The following RTN4RL1 variants were observed in gnomAD, a reference collection of about 807,000 sequenced individuals.
The protein encoded by RTN4RL1 is reticulon 4 receptor like 1, also known as reticulon-4 receptor-like 1.
In RTN4RL1, 7 loss-of-function variants were observed where a neutral mutation model predicts 25.6. That is an observed-to-expected ratio of 0.27 (90% CI 0.16 to 0.51). The LOEUF is 0.51. Ranked by LOEUF, RTN4RL1 falls within the 20% of genes least tolerant of loss-of-function variation. The probability of loss-of-function intolerance (pLI) is 0.97; values close to 1 mark genes in which losing one functional copy is unlikely to be tolerated. For synonymous variants in RTN4RL1, 297 were observed against 288.2 expected (o/e 1.03, Z -0.31); for missense variants, 500 against 615.6 (o/e 0.81, Z 1.99).
At chr17:1,973,674 G>C (rs1188778572) in intron 1 of RTN4RL1, among the ~76,000 whole-genome samples, 1 of 152,118 alleles carries the variant, frequency 6.6e-6, no homozygotes, top group Non-Finnish European at 1.5e-5. Flanking sequence ...TTCTGTCTCT[G>C]AGGCCTGGCC....
intron 1 of RTN4RL1, among the ~76,000 whole-genome samples, chr17:2,000,159 A>T (rs1251921368): frequency 2.0e-5 from 3 of 152,268 alleles, no homozygotes; most frequent in Non-Finnish European, 4.4e-5. Context: ...GCCAAGTAGC[A>T]GCCACCGCTG....
chr17:1,958,552 T>C (rs1915835753), intron 1 of RTN4RL1, among the ~76,000 whole-genome samples: 1 of 152,216 alleles, frequency 6.6e-6, no homozygotes, highest in Non-Finnish European at 1.5e-5. Context: ...ACAAAACTTG[T>C]CTTAAGTGCC....
At chr17:1,957,399 G>T (rs1279590608) in intron 1 of RTN4RL1, among the ~76,000 whole-genome samples, 1 of 152,228 alleles carries the variant, frequency 6.6e-6, no homozygotes, top group Non-Finnish European at 1.5e-5. Context: ...GGGAAGGGAA[G>T]GGGGTTAACA....
chr17:2,017,873 G>A (rs184696068), intron 1 of RTN4RL1: 5 of 152,400 alleles, frequency 3.3e-5, no homozygotes, highest in African/African-American at 1.2e-4. Flanking sequence ...CACAGCGGAG[G>A]AGGCCTCCAC....
chr17:1,985,027 G>A (rs765584666), intron 1 of RTN4RL1, among the ~76,000 whole-genome samples: 4 of 151,860 alleles, frequency 2.6e-5, no homozygotes, highest in Non-Finnish European at 4.4e-5. Flanking sequence ...TGAACACCCC[G>A]TTATATGCGA....
At chr17:1,945,678 T>G (rs1356697454) in intron 1 of RTN4RL1, among the ~76,000 whole-genome samples, 1 of 152,134 alleles carries the variant, frequency 6.6e-6, no homozygotes, top group African/African-American at 2.4e-5. Context: ...CCCACAGCAT[T>G]CCCCCTCTTC....
At chr17:1,976,800 C>G (rs920671949) in intron 1 of RTN4RL1, among the ~76,000 whole-genome samples, 1 of 152,218 alleles carries the variant, frequency 6.6e-6, no homozygotes, top group Non-Finnish European at 1.5e-5. Context: ...AAAGCCCGGT[C>G]TTTGGGTGGA....
In RTN4RL1 at chr17:1,936,236, G is replaced by A. The variant is rs117569530; in HGVS notation, c.*260C>T. The A allele has an allele frequency of 3.3e-3, 4,282 of 1,292,462 alleles. 58 individuals carry two copies. The East Asian group carries it at 0.044, about 13-fold the overall frequency. 80.1% of individuals were successfully genotyped at this position (1,292,462 alleles called of 1,614,324 possible). ...CACTTGGAGTGCCTTTTCCCACCTT[G>A]CCAGAGTGGACACTGTCCGTGGGCG... On this transcript the variant is annotated 3_prime_UTR_variant, in exon 2 of 2. Coordinates refer to ENST00000331238, the MANE Select transcript of RTN4RL1 (RefSeq NM_178568.4).
intron 1 of RTN4RL1, among the ~76,000 whole-genome samples, chr17:1,961,297 C>T (rs943326355): frequency 2.6e-5 from 4 of 152,196 alleles, no homozygotes; most frequent in Admixed American, 2.6e-4. Context: ...AGAAGCTCAG[C>T]TGGCCTTCGG....
intron 1 of RTN4RL1, among the ~76,000 whole-genome samples, chr17:1,992,358 CA>C (rs1021180493): frequency 3.0e-3 from 159 of 53,310 alleles, no homozygotes; most frequent in Middle Eastern, 0.01. Context: ...GACTCTGTCT[CA>C]AAAAAAAAAA....
intron 1 of RTN4RL1, among the ~76,000 whole-genome samples, chr17:2,002,628 C>T (rs2151322898): frequency 6.6e-6 from 1 of 151,782 alleles, no homozygotes; most frequent in South Asian, 2.1e-4. Context: ...CTCTTCCCTC[C>T]TCCCTCCCTC....
chr17:1,959,674 C>T (rs2151309533), intron 1 of RTN4RL1, among the ~76,000 whole-genome samples: 1 of 152,310 alleles, frequency 6.6e-6, no homozygotes, highest in South Asian at 2.1e-4. Flanking sequence ...AAACGATTCT[C>T]ACACCTCAGC....
chr17:1,975,339 G>A (rs1465461366), intron 1 of RTN4RL1, among the ~76,000 whole-genome samples: 1 of 152,174 alleles, frequency 6.6e-6, no homozygotes, highest in South Asian at 2.1e-4. Context: ...AGACTCTGCA[G>A]TTCAGAGCAT....
intron 1 of RTN4RL1, among the ~76,000 whole-genome samples, chr17:1,979,286 T>A (rs2066856752): frequency 7.1e-6 from 1 of 140,512 alleles, no homozygotes; most frequent in African/African-American, 2.7e-5. Context: ...AAAACCAAAA[T>A]AAAAAACAAA....
chr17:2,012,285 C>T (rs1014552253), intron 1 of RTN4RL1, among the ~76,000 whole-genome samples: 1 of 152,242 alleles, frequency 6.6e-6, no homozygotes, highest in South Asian at 2.1e-4. Context: ...TGCTGGGCAT[C>T]CTCTGTGGTC....
Position 1,936,315 on chromosome 17 carries a change from A to T in RTN4RL1, c.*181T>A, listed in dbSNP as rs1203807827. On this transcript the variant is annotated 3_prime_UTR_variant, in exon 2 of 2. Coordinates refer to ENST00000331238, the MANE Select transcript of RTN4RL1 (RefSeq NM_178568.4). ...TGAGAAGCGCCACCCCCTCCCGCCT[A>T]GGGCTGTACACTTTGGGTTTATAAT... is the stretch of plus-strand genomic sequence containing the variant. 2.1e-6 allele frequency: 3 copies of T among 1,403,652 alleles called. No homozygotes were observed. Among genetic ancestry groups the T allele is most frequent in the South Asian group, 1.6e-5 (1 of 62,730 alleles). The allele number at this position is 1,403,652 out of a possible 1,614,324, so 86.9% of individuals were successfully genotyped here.
intron 1 of RTN4RL1, among the ~76,000 whole-genome samples, chr17:1,982,555 A>G (rs1222517268): frequency 6.6e-6 from 1 of 152,106 alleles, no homozygotes; most frequent in Non-Finnish European, 1.5e-5. Flanking sequence ...CGGAGGTTGC[A>G]GTGAGCCGAG....
intron 1 of RTN4RL1, among the ~76,000 whole-genome samples, chr17:1,949,518 T>G (rs1915632423): frequency 6.6e-6 from 1 of 152,158 alleles, no homozygotes; most frequent in South Asian, 2.1e-4. Context: ...AGGGTCCTTG[T>G]TCCCCAGCCC....
In RTN4RL1 at chr17:1,936,590, C is replaced by T. The variant is rs563904841; in HGVS notation, c.1232G>A (p.Arg411His). 1.5e-5 allele frequency: 23 copies of T among 1,579,112 alleles called. No homozygotes were observed. Among genetic ancestry groups the T allele is most frequent in the Admixed American group, 5.6e-5 (3 of 53,784 alleles). ...KGKCARRTPI[R>H]APSGVQQASS... ...GGCCTGCTGCACCCCGCTGGGGGCA[C>T]GGATGGGGGTCCTGCGGGCACACTT... Residue 411 changes from arginine (R) to histidine (H), a missense_variant, in exon 2 of 2, where the codon CGT (arginine) becomes CAT (histidine). This residue lies in a region of RTN4RL1 where 268 missense variants were observed against 274.5 expected (regional missense o/e 0.98). Transcript: ENST00000331238.
Sources: gnomAD v4.1 joint callset for allele counts (sites outside exome capture counted in the v4.1 genomes callset) on GRCh38, gnomAD v4.1.1 for gene constraint, gnomAD v4.1.1 regional missense constraint, MANE v1.5 for transcripts, NCBI Gene and HGNC (gene_info 2026-07-23, HGNC 2026-07-21) for gene names.